Variants in DSCAM observed in about 807,000 individuals in gnomAD.
DSCAM encodes cell adhesion molecule DSCAM.
DSCAM carries 47 observed loss-of-function variants against 217.7 expected under a neutral mutation model. That is an observed-to-expected ratio of 0.22 (90% CI 0.17 to 0.28). The LOEUF (loss-of-function observed/expected upper bound fraction) is 0.28. Among genes scored for constraint, DSCAM ranks in the 10% least tolerant of loss-of-function variants. The pLI, the probability that DSCAM is intolerant of heterozygous loss-of-function variation, is 1.00. For synonymous variants in DSCAM, 1,056 were observed against 1,015.3 expected (o/e 1.04, Z -0.76); for missense variants, 2,080 against 2,618.3 (o/e 0.79, Z 4.49).
At chr21:40,515,066 T>C (rs2146071783) in intron 3 of DSCAM, among the ~76,000 whole-genome samples, 1 of 152,364 alleles carries the variant, frequency 6.6e-6, no homozygotes, top group East Asian at 1.9e-4. Flanking sequence ...CAGTAAAGGC[T>C]ACTTCTTATT....
At chr21:40,124,875 G>T (rs2090078052) in intron 19 of DSCAM, among the ~76,000 whole-genome samples, 1 of 152,110 alleles carries the variant, frequency 6.6e-6, no homozygotes. Context: ...TCTTGTCCTG[G>T]GGAGTCTTCC....
intron 3 of DSCAM, among the ~76,000 whole-genome samples, chr21:40,493,602 C>A (rs893589776): frequency 6.6e-6 from 1 of 152,090 alleles, no homozygotes; most frequent in Admixed American, 6.5e-5. Flanking sequence ...TGGCTCACAC[C>A]TGTAATCCCA....
At chr21:40,320,711 A>T (rs565679019) in intron 8 of DSCAM, among the ~76,000 whole-genome samples, 1 of 152,348 alleles carries the variant, frequency 6.6e-6, no homozygotes, top group South Asian at 2.1e-4. Flanking sequence ...GGAAGACGCA[A>T]AAGCGGAAAT....
At chr21:40,281,210 T>G (rs1439113039) in intron 10 of DSCAM, among the ~76,000 whole-genome samples, 1 of 152,236 alleles carries the variant, frequency 6.6e-6, no homozygotes, top group East Asian at 1.9e-4. Flanking sequence ...TACATAATAT[T>G]TCAGCTTCTT....
intron 1 of DSCAM, among the ~76,000 whole-genome samples, chr21:40,821,393 GCACACA>G (rs146285607): frequency 1.3e-4 from 19 of 146,156 alleles, no homozygotes; most frequent in African/African-American, 3.3e-4. Context: ...ACACACGCGC[GCACACA>G]CACACACACA....
chr21:40,427,474 G>C (rs185144644), intron 3 of DSCAM, among the ~76,000 whole-genome samples: 15 of 152,304 alleles, frequency 9.8e-5, no homozygotes, highest in African/African-American at 3.1e-4. Flanking sequence ...TATCAGGATC[G>C]TTTTTCAGAG....
chr21:40,036,782 A>T (rs1241973932), intron 32 of DSCAM, among the ~76,000 whole-genome samples: 1 of 145,234 alleles, frequency 6.9e-6, no homozygotes, highest in Non-Finnish European at 1.5e-5. Flanking sequence ...ATACTGGCAG[A>T]CCGAATCCAG....
intron 1 of DSCAM, among the ~76,000 whole-genome samples, chr21:40,769,037 G>A (rs1471713834): frequency 6.6e-6 from 1 of 152,162 alleles, no homozygotes; most frequent in Non-Finnish European, 1.5e-5. Context: ...TATCTCTAGA[G>A]GGCAGCTGGG....
chr21:40,260,327 T>C (rs1202975990), intron 11 of DSCAM, among the ~76,000 whole-genome samples: 1 of 152,050 alleles, frequency 6.6e-6, no homozygotes, highest in Non-Finnish European at 1.5e-5. Context: ...AATAAATAGG[T>C]GGGAAAACAG....
intron 4 of DSCAM, among the ~76,000 whole-genome samples, chr21:40,355,083 G>A (rs528918003): frequency 6.6e-6 from 1 of 152,112 alleles, no homozygotes; most frequent in Non-Finnish European, 1.5e-5. Context: ...TCTGTTGGGC[G>A]GGTGGTGTTG....
At chr21:40,043,313 A>C (rs1056345861) in intron 31 of DSCAM, among the ~76,000 whole-genome samples, 5 of 152,196 alleles carry the variant, frequency 3.3e-5, no homozygotes, top group Non-Finnish European at 5.9e-5. Flanking sequence ...AAATGCACTA[A>C]AAAGTTTTAG....
chr21:40,374,561 A>G (rs771188915), intron 3 of DSCAM, among the ~76,000 whole-genome samples: 1 of 152,230 alleles, frequency 6.6e-6, no homozygotes, highest in African/African-American at 2.4e-5. Context: ...TACTGAGTCC[A>G]TGGAGTATTT....
chr21:40,150,335 T>C (rs561230878), intron 16 of DSCAM, among the ~76,000 whole-genome samples: 4 of 152,334 alleles, frequency 2.6e-5, no homozygotes, highest in African/African-American at 4.8e-5. Context: ...ATAGATCACA[T>C]GAAGAGAAAA....
intron 2 of DSCAM, among the ~76,000 whole-genome samples, chr21:40,705,669 A>C (rs2090706883): frequency 6.6e-6 from 1 of 152,166 alleles, no homozygotes; most frequent in African/African-American, 2.4e-5. Flanking sequence ...CGAGAACAGA[A>C]TGGGGGAAAC....
chr21:40,061,568 C>T (rs2178840), intron 28 of DSCAM, among the ~76,000 whole-genome samples: 88,865 of 131,182 alleles, frequency 0.68, 28,146 homozygotes, highest in African/African-American at 0.72. Context: ...AAACTCTGTC[C>T]CAAAAAAAAA....
At position 40,789,825 on chromosome 21, in the gene DSCAM, G is replaced by A. The variant is rs184573406; in HGVS notation, c.43+56794C>T. Among the ~76,000 whole-genome samples the A allele has an allele frequency of 3.9e-3, 599 of 152,272 alleles. 2 individuals are homozygous for A. The highest frequency in any genetic ancestry group is 6.4e-3 in the Non-Finnish European group (433 of 68,024). ...CTGCCTCGGCCTCCCAAAGTGCTGG[G>A]ATTACAGGCGTGAGCCACCGTGCCC... On this transcript the variant is annotated intron_variant, in intron 1 of 32. Transcript: ENST00000400454.
intron 3 of DSCAM, among the ~76,000 whole-genome samples, chr21:40,470,244 C>T (rs766208640): frequency 3.9e-5 from 6 of 152,230 alleles, no homozygotes; most frequent in African/African-American, 7.2e-5. Context: ...TCAGTAACTA[C>T]GACTAAAACC....
At chr21:40,577,544 A>G (rs1324640244) in intron 3 of DSCAM, among the ~76,000 whole-genome samples, 1 of 152,016 alleles carries the variant, frequency 6.6e-6, no homozygotes, top group Non-Finnish European at 1.5e-5. Flanking sequence ...TGGGGCCTCC[A>G]TTATGTTGTA....
At chr21:40,808,083 A>G (rs925047454) in intron 1 of DSCAM, among the ~76,000 whole-genome samples, 1 of 152,188 alleles carries the variant, frequency 6.6e-6, no homozygotes, top group Non-Finnish European at 1.5e-5. Flanking sequence ...CCCCAAAGAC[A>G]TCACTCATCC....
Sources: allele counts gnomAD v4.1 joint callset (sites outside exome capture counted in the v4.1 genomes callset), GRCh38; gene constraint gnomAD v4.1.1; transcripts MANE v1.5; gene names NCBI Gene and HGNC (gene_info 2026-07-23, HGNC 2026-07-21).